Variants in RGS6 observed in about 807,000 individuals in gnomAD.
The protein encoded by RGS6 is regulator of G-protein signaling 6.
Under a neutral mutation model 78.5 loss-of-function variants are expected in RGS6, and 30 were observed. The observed-to-expected ratio is 0.38, with a 90% CI of 0.29 to 0.52. RGS6 has a LOEUF of 0.52. RGS6 is among the 20% of genes least tolerant of loss of function. RGS6 has a pLI of 0.85. For missense variants in RGS6, 495 were observed against 609.7 expected (o/e 0.81, Z 1.98); for synonymous variants, 206 against 206.0 (o/e 1.00, Z 0.00).
intron 2 of RGS6, among the ~76,000 whole-genome samples, chr14:71,988,528 G>A (rs2153171856): frequency 6.6e-6 from 1 of 152,232 alleles, no homozygotes; most frequent in South Asian, 2.1e-4. Flanking sequence ...TTGAAACACA[G>A]CCACATCATT....
intron 10 of RGS6, among the ~76,000 whole-genome samples, 194 bp downstream of exon 10, chr14:72,474,893 C>T (rs543902651): frequency 1.3e-5 from 2 of 152,314 alleles, no homozygotes; most frequent in African/African-American, 4.8e-5. Flanking sequence ...GTGGCAGGTC[C>T]TCATGGAGCC....
At chr14:72,136,631 T>C (rs2096447343) in intron 2 of RGS6, among the ~76,000 whole-genome samples, 2 of 152,166 alleles carry the variant, frequency 1.3e-5, no homozygotes, top group Non-Finnish European at 2.9e-5. Flanking sequence ...CTCAGTTACC[T>C]CCCACTGGGT....
intron 3 of RGS6, among the ~76,000 whole-genome samples, chr14:72,384,002 A>G (rs528843831): frequency 3.3e-5 from 5 of 152,298 alleles, no homozygotes; most frequent in African/African-American, 9.6e-5. Context: ...TCAAATCAGC[A>G]TATTATATTC....
rs1363207773 is a variant in RGS6, at chr14:72,550,419, A to G, written c.1422+10325A>G. The G allele has an allele frequency of 2.0e-6, 3 of 1,509,698 alleles. No individual in the cohort carries two copies. The Middle Eastern group carries it at 5.1e-4, about 254-fold the overall frequency. The allele number at this position is 1,509,698 out of a possible 1,614,324, so 93.5% of individuals were successfully genotyped here. A position where few individuals can be genotyped will look rare whatever the true frequency, so the allele number is the denominator to read the frequency against. ...GCCCCTGGCTTTTTTTGTTTGCACT[A>G]AGCACCAAGTACATCTGAGCCCCCG... is the stretch of plus-strand genomic sequence containing the variant. On this transcript the variant is annotated intron_variant, in intron 17 of 17. Transcript: ENST00000553525.
At chr14:72,163,098 G>A (rs1250800835) in intron 2 of RGS6, among the ~76,000 whole-genome samples, 2 of 152,086 alleles carry the variant, frequency 1.3e-5, no homozygotes, top group Non-Finnish European at 2.9e-5. Flanking sequence ...TGGGTTCAGT[G>A]TATACTGCTC....
intron 2 of RGS6, among the ~76,000 whole-genome samples, chr14:71,996,823 A>G: frequency 6.6e-6 from 1 of 152,062 alleles, no homozygotes; most frequent in East Asian, 1.9e-4. Context: ...ATGACGAAGG[A>G]TGGTACAGGG....
intron 2 of RGS6, among the ~76,000 whole-genome samples, chr14:71,986,557 A>G (rs1223887608): frequency 6.6e-6 from 1 of 151,928 alleles, no homozygotes; most frequent in Non-Finnish European, 1.5e-5. Flanking sequence ...AAAAAATACA[A>G]AAGTTGTCTG....
intron 1 of RGS6, among the ~76,000 whole-genome samples, chr14:71,956,621 T>G (rs527342324): frequency 2.6e-5 from 4 of 152,124 alleles, no homozygotes; most frequent in Non-Finnish European, 5.9e-5. Flanking sequence ...TTTCTCTGAC[T>G]GCTTTATATT....
At chr14:72,073,144 C>T (rs935445520) in intron 2 of RGS6, among the ~76,000 whole-genome samples, 1 of 152,180 alleles carries the variant, frequency 6.6e-6, no homozygotes, top group African/African-American at 2.4e-5. Context: ...TTTATGTCTT[C>T]ATCTGTAAAA....
At chr14:71,932,315 GGCCCAGGTGCCGGGGCCCAGGTGCCGGC>G (rs1237229421), upstream of RGS6, 1 of 148,452 alleles carries the variant, frequency 6.7e-6, no homozygotes, top group Non-Finnish European at 1.5e-5. Flanking sequence ...ACGCGGTCCG[GGCCCAGGTGCCGGGGCCCAGGTGCCGGC>G]GCCCAGGTGC....
the RGS6 span, among the ~76,000 whole-genome samples, chr14:71,877,340 A>G: frequency 6.6e-6 from 1 of 152,224 alleles, no homozygotes. Flanking sequence ...GTCTTTTCAC[A>G]TAGTCCCATA....
intron 2 of RGS6, among the ~76,000 whole-genome samples, chr14:72,110,086 G>A (rs2095719189): frequency 6.6e-6 from 1 of 152,180 alleles, no homozygotes; most frequent in South Asian, 2.1e-4. Flanking sequence ...AGTCAGTAGT[G>A]CAGCTTTCAA....
intron 3 of RGS6, among the ~76,000 whole-genome samples, chr14:72,422,689 TATG>T (rs2094248667): frequency 6.6e-6 from 1 of 152,066 alleles, no homozygotes; most frequent in South Asian, 2.1e-4. Context: ...TGGGTGTCAT[TATG>T]AGGAGCATCA....
At chr14:72,412,433 T>A (rs1468705026) in intron 3 of RGS6, among the ~76,000 whole-genome samples, 1 of 152,224 alleles carries the variant, frequency 6.6e-6, no homozygotes, top group East Asian at 1.9e-4. Flanking sequence ...CATTTTTTAT[T>A]GCGTCTATTT....
At chr14:71,918,106 G>A in the RGS6 span, among the ~76,000 whole-genome samples, 2 of 148,204 alleles carry the variant, frequency 1.3e-5, no homozygotes, top group Non-Finnish European at 3.0e-5. Flanking sequence ...GCGTGAACCC[G>A]GGGGGCGGAG....
At chr14:71,954,847 T>G (rs1357771999) in intron 1 of RGS6, among the ~76,000 whole-genome samples, 1 of 152,364 alleles carries the variant, frequency 6.6e-6, no homozygotes, top group East Asian at 1.9e-4. Context: ...TTTTTCATCA[T>G]AGTTATTTTA....
intron 3 of RGS6, among the ~76,000 whole-genome samples, chr14:72,444,144 T>G (rs947289817): frequency 1.3e-5 from 2 of 152,154 alleles, no homozygotes; most frequent in African/African-American, 2.4e-5. Flanking sequence ...GACTTGGGAT[T>G]CGGATGTGGG....
the RGS6 span, among the ~76,000 whole-genome samples, chr14:72,587,814 C>T: frequency 9.9e-5 from 15 of 152,166 alleles, no homozygotes; most frequent in Non-Finnish European, 1.3e-4. Flanking sequence ...GGGCACAACC[C>T]GCCCTGCTTG....
chr14:72,128,957 C>T (rs1200124870), intron 2 of RGS6, among the ~76,000 whole-genome samples: 3 of 152,134 alleles, frequency 2.0e-5, no homozygotes, highest in South Asian at 2.1e-4. Context: ...TAGTCAGTCA[C>T]GTTTTAGCAC....
Sources: allele counts gnomAD v4.1 joint callset (sites outside exome capture counted in the v4.1 genomes callset), GRCh38; gene constraint gnomAD v4.1.1; transcripts MANE v1.5; gene names NCBI Gene and HGNC (gene_info 2026-07-23, HGNC 2026-07-21).